Variants in COL9A1 observed in about 807,000 individuals in gnomAD.
COL9A1 encodes collagen type IX alpha 1 chain, also known as collagen alpha-1(IX) chain.
In COL9A1, 104 loss-of-function variants were observed where a neutral mutation model predicts 142.6. That is an observed-to-expected ratio of 0.73 (90% CI 0.62 to 0.86). COL9A1 has a LOEUF of 0.86. Among genes scored for constraint, COL9A1 ranks in the 40% least tolerant of loss-of-function variants. COL9A1 has a pLI of 0.00. For synonymous variants in COL9A1, 466 were observed against 396.0 expected (o/e 1.18, Z -2.10); for missense variants, 1,210 against 1,176.6 (o/e 1.03, Z -0.42).
At chr6:70,287,460 G>A (rs751680803) in intron 5 of COL9A1, among the ~76,000 whole-genome samples, 2 of 152,096 alleles carry the variant, frequency 1.3e-5, no homozygotes, top group Admixed American at 6.5e-5. Flanking sequence ...GGAGGCTACC[G>A]CAGTAAAGCA....
intron 14 of COL9A1, among the ~76,000 whole-genome samples, chr6:70,270,805 T>C (rs1422992909): frequency 6.6e-6 from 1 of 152,242 alleles, no homozygotes; most frequent in African/African-American, 2.4e-5. Flanking sequence ...CTGCAGTGCC[T>C]GACTCTTGCA....
intron 30 of COL9A1, 21 bp from the exon 31 acceptor site, chr6:70,241,475 T>A: frequency 1.2e-6 from 2 of 1,601,188 alleles, no homozygotes; most frequent in Non-Finnish European, 1.7e-6. Context: ...TAAAATATAA[T>A]ACTTTTTCAG....
chr6:70,251,339 G>A (rs923477561), intron 28 of COL9A1, among the ~76,000 whole-genome samples: 1 of 152,060 alleles, frequency 6.6e-6, no homozygotes, highest in Admixed American at 6.6e-5. Flanking sequence ...GAAGCCGGGA[G>A]TTCAAGACCA....
intron 12 of COL9A1, among the ~76,000 whole-genome samples, chr6:70,273,148 A>C (rs1267880911): frequency 6.6e-6 from 1 of 152,180 alleles, no homozygotes; most frequent in African/African-American, 2.4e-5. Context: ...ATGTTTTAAT[A>C]ATCAGTGGGA....
intron 4 of COL9A1, among the ~76,000 whole-genome samples, chr6:70,297,351 GA>G (rs1201996128): frequency 5.9e-5 from 9 of 152,072 alleles, no homozygotes; most frequent in African/African-American, 2.2e-4. Context: ...AATATATGTA[GA>G]AATAATTTAG....
chr6:70,283,844 A>C (rs1162340408), intron 5 of COL9A1, 24 bp from the exon 6 acceptor site: 1 of 1,571,496 alleles, frequency 6.4e-7, no homozygotes, highest in Non-Finnish European at 8.7e-7. Context: ...GTAGACAGTC[A>C]GGTAAGGTTT....
intron 31 of COL9A1, 63 bp from the exon 32 acceptor site, chr6:70,240,796 G>A: frequency 7.9e-7 from 1 of 1,272,678 alleles, no homozygotes; most frequent in Admixed American, 1.7e-5. Context: ...ATTTTAACCA[G>A]TAAACATTGA....
At chr6:70,278,653 G>C (rs992450213) in intron 10 of COL9A1, among the ~76,000 whole-genome samples, 2 of 151,864 alleles carry the variant, frequency 1.3e-5, no homozygotes, top group Non-Finnish European at 2.9e-5. Context: ...TTTTTTCCTT[G>C]AGGTCAAAGT....
chr6:70,264,493 A>C (rs187681301), intron 18 of COL9A1, among the ~76,000 whole-genome samples: 61 of 152,186 alleles, frequency 4.0e-4, no homozygotes, highest in African/African-American at 1.3e-3. Flanking sequence ...CCAGAGAATT[A>C]GCTAGTTCTT....
At chr6:70,255,230 C>G (rs1291711027) in intron 22 of COL9A1, 27 bp from the exon 23 acceptor site, 2 of 1,613,786 alleles carry the variant, frequency 1.2e-6, no homozygotes, top group South Asian at 2.2e-5. Context: ...AAAGAATAGA[C>G]AAGACATGTT....
rs34119578 is a variant in COL9A1, at chr6:70,232,616, G to T, written c.2470C>A (p.Pro824Thr). 3.3e-3 allele frequency: 5,310 copies of T among 1,614,014 alleles called. 148 individuals are homozygous for T. In the African/African-American group the frequency reaches 0.06, roughly 18 times the overall value. ...GIRGLPGIKG[P>T]PGALGLRGPK... Reference sequence around the variant, plus strand: ...CCCCTCAAACCAAGAGCACCAGGGGGCCCCTTAATGCCCGGAAGGCCACGA... The same window carrying T: ...CCCCTCAAACCAAGAGCACCAGGGGTCCCCTTAATGCCCGGAAGGCCACGA... Residue 824 changes from proline (P) to threonine (T), a missense_variant, in exon 36 of 38, where the codon CCC becomes ACC. Coordinates refer to ENST00000357250, the MANE Select transcript of COL9A1 (RefSeq NM_001851.6).
intron 29 of COL9A1, chr6:70,242,264 C>T (rs1038755779): frequency 6.7e-6 from 4 of 598,498 alleles, no homozygotes; most frequent in Non-Finnish European, 1.2e-5. Context: ...CCCTTGCACT[C>T]CTTGGCAACA....
intron 18 of COL9A1, among the ~76,000 whole-genome samples, chr6:70,264,724 G>A (rs1404065542): frequency 6.6e-6 from 1 of 152,034 alleles, no homozygotes; most frequent in Non-Finnish European, 1.5e-5. Flanking sequence ...TAATTATGAA[G>A]TTTAGGAGTA....
intron 4 of COL9A1, among the ~76,000 whole-genome samples, chr6:70,298,073 C>A (rs188543084): frequency 2.1e-3 from 327 of 152,300 alleles, no homozygotes; most frequent in African/African-American, 7.3e-3. Context: ...TGGCCGAGAG[C>A]AATTCCCATC....
Position 70,254,963 on chromosome 6 carries a change from C to T in COL9A1, c.1665G>A (p.Lys555=), listed in dbSNP as rs772004552. The T allele has an allele frequency of 6.2e-7, 1 of 1,614,110 alleles. No individual in the cohort carries two copies. The highest frequency in any genetic ancestry group is 1.1e-5 in the South Asian group (1 of 91,086). Residue 555 remains lysine (K), a splice_region_variant and synonymous_variant, in exon 24 of 38, where the codon AAG becomes AAA. Coordinates refer to ENST00000357250, the MANE Select transcript of COL9A1 (RefSeq NM_001851.6). The part of the protein sequence containing the change: ...RDGIPGMPGT[K]GEPGKPGPPG... Reference sequence around the variant, plus strand: ...TCTTGGAGTAAATTACACAGCCTACCTTTGTTCCAGGCATTCCAGGGATCC... The same window carrying T: ...TCTTGGAGTAAATTACACAGCCTACTTTTGTTCCAGGCATTCCAGGGATCC...
At chr6:70,276,451 T>C (rs1676443650) in intron 10 of COL9A1, among the ~76,000 whole-genome samples, 1 of 152,174 alleles carries the variant, frequency 6.6e-6, no homozygotes, top group Non-Finnish European at 1.5e-5. Context: ...TGGAGGACAG[T>C]AACTATAAAG....
rs1255467088 is a variant in COL9A1, at chr6:70,242,025, C to T, written c.1937G>A (p.Gly646Asp). 6.3e-7 allele frequency: 1 copy of T among 1,594,168 alleles called. No homozygotes were observed. Among genetic ancestry groups the T allele is most frequent in the African/African-American group, 1.3e-5 (1 of 74,450 alleles). ...AGGCAAGCCAGGGAGGCCAGGGCTA[C>T]CCAGAGAACCCTGGAAAGCAAAAAC... ...PGLPGKLGSL[G>D]SPGLPGLPGP... is the part of the protein sequence containing the mutation. The change falls in exon 30 of 38, where the codon GGT (glycine) becomes GAT (aspartate). Residue 646 changes from glycine (G) to aspartate (D), a missense_variant. Coordinates refer to ENST00000357250, the MANE Select transcript of COL9A1 (RefSeq NM_001851.6).
At chr6:70,275,562 ACTT>A (rs1416063754) in intron 10 of COL9A1, among the ~76,000 whole-genome samples, 1 of 152,054 alleles carries the variant, frequency 6.6e-6, no homozygotes, top group Non-Finnish European at 1.5e-5. Flanking sequence ...CCCTACTACT[ACTT>A]ACTTTATCAT....
intron 5 of COL9A1, among the ~76,000 whole-genome samples, chr6:70,292,529 C>T (rs1367646870): frequency 2.0e-5 from 3 of 152,148 alleles, no homozygotes; most frequent in African/African-American, 7.2e-5. Flanking sequence ...CTACAATCAG[C>T]TCTGACATTA....
Sources: gnomAD v4.1 joint callset for allele counts (sites outside exome capture counted in the v4.1 genomes callset) on GRCh38, gnomAD v4.1.1 for gene constraint, MANE v1.5 for transcripts, NCBI Gene and HGNC (gene_info 2026-07-23, HGNC 2026-07-21) for gene names.